The following AP1G2 variants were observed in gnomAD, a reference collection of about 807,000 sequenced individuals.
The protein encoded by AP1G2 is AP-1 complex subunit gamma-like 2.
In AP1G2, 85 loss-of-function variants were observed where a neutral mutation model predicts 95.8. The ratio of observed to expected loss-of-function variants is 0.89; its 90% CI spans 0.74 to 1.06. The LOEUF is 1.06. Ranked by LOEUF, AP1G2 falls within the 50% of genes least tolerant of loss-of-function variation. The pLI is 0.00. For synonymous variants in AP1G2, 378 were observed against 400.0 expected, an observed-to-expected ratio of 0.94 and a Z score of 0.66; for missense variants, 967 against 1,005.8, an observed-to-expected ratio of 0.96 and a Z score of 0.52.
Position 23,565,609 on chromosome 14 carries a change from C to T in AP1G2, c.738G>A (p.Leu246=), listed in dbSNP as rs142782750. The change falls in exon 7 of 22, where the codon CTG becomes CTA. Residue 246 remains leucine, a synonymous_variant. Transcript: ENST00000397120. ...CAGCAGTGAAAGGTCACCCCACCTG[C>T]AGGAAGGGGTCGCTGACTCCAGATA... The part of the protein sequence containing the change: ...HSISGVSDPF[L]QVQILRLLRI... The T allele has an allele frequency of 5.5e-4, 893 of 1,612,560 alleles. 1 individual carries two copies. In the African/African-American group the frequency reaches 6.7e-3, roughly 12 times the overall value.
rs1461598012 is a variant in AP1G2 at position 23,563,647 on chromosome 14, T to A, written c.1233-9A>T. On this transcript the variant is annotated splice_polypyrimidine_tract_variant and intron_variant, in intron 12 of 21. Coordinates refer to ENST00000397120, the MANE Select transcript of AP1G2 (RefSeq NM_003917.5). The stretch of plus-strand genomic sequence containing the variant: ...GTTTGGTTGGAGCAAACCTAGGGGA[T>A]ATATGGCTCATCAGTCCTGGTACTG... 7 of 1,614,086 alleles carry A rather than the reference T, an allele frequency of 4.3e-6. No homozygotes were observed. The highest frequency in any genetic ancestry group is 5.9e-6 in the Non-Finnish European group (7 of 1,180,052).
intron 4 of AP1G2, 33 bp from the exon 5 acceptor site, chr14:23,566,193 G>T (rs1887862194): frequency 6.3e-7 from 1 of 1,595,652 alleles, no homozygotes; most frequent in Admixed American, 1.7e-5. Context: ...ACAGGGGTCA[G>T]AGGAGATGGA....
chr14:23,563,148 A>T, intron 14 of AP1G2: 1 of 1,417,292 alleles, frequency 7.1e-7, no homozygotes, highest in Non-Finnish European at 9.2e-7. Flanking sequence ...CAGTCAGGGT[A>T]CATGGAGCAT....
intron 11 of AP1G2, 63 bp downstream of exon 11, chr14:23,563,983 G>A (rs1484676862): frequency 1.2e-6 from 2 of 1,609,388 alleles, no homozygotes; most frequent in East Asian, 2.2e-5. Flanking sequence ...ACTGGCTCGA[G>A]TCTTGGCCAC....
intron 20 of AP1G2, 67 bp downstream of exon 20, chr14:23,560,188 C>T: frequency 6.3e-7 from 1 of 1,576,152 alleles, no homozygotes; most frequent in South Asian, 1.1e-5. Context: ...TCCCACCCAC[C>T]TCCTCCACTT....
At chr14:23,561,023 G>T in intron 19 of AP1G2, 1 of 1,059,862 alleles carries the variant, frequency 9.4e-7, no homozygotes, top group Non-Finnish European at 1.2e-6. Context: ...AGGGTGTGAG[G>T]AGCTGAGAAG....
In AP1G2 at chr14:23,560,287, T is replaced by TGACATCACCCTC. The variant is rs755853233; in HGVS notation, c.2113_2124dup (p.Glu705_Val708dup). On this transcript the variant is annotated inframe_insertion, in exon 20 of 22. Coordinates refer to ENST00000397120, the MANE Select transcript of AP1G2 (RefSeq NM_003917.5). ...ACAGCAGCCTGGCAGATGAAATGGG[T>TGACATCACCCTC]GACATCACCCTCTGAGAAGTTGGTG... 1 of 1,613,756 alleles carries TGACATCACCCTC rather than the reference T, an allele frequency of 6.2e-7. No individual in the cohort carries two copies. Among genetic ancestry groups the TGACATCACCCTC allele is most frequent in the South Asian group, 1.1e-5 (1 of 91,056 alleles).
At chr14:23,562,107 A>T in intron 16 of AP1G2, 41 bp from the exon 17 acceptor site, 1 of 1,606,832 alleles carries the variant, frequency 6.2e-7, no homozygotes, top group African/African-American at 1.3e-5. Context: ...GCAGTGTGCC[A>T]CTGCAGGATG....
At chr14:23,565,037 C>G (rs1446990433) in intron 8 of AP1G2, 82 bp downstream of exon 8, 1 of 1,317,194 alleles carries the variant, frequency 7.6e-7, no homozygotes. Flanking sequence ...GGCCACTGCA[C>G]AGTGACGAGT....
rs1171684032 is a variant in AP1G2 at position 23,565,860 on chromosome 14, C to T, written c.601G>A (p.Glu201Lys). Residue 201 changes from glutamate (E) to lysine (K), a missense_variant, in exon 6 of 22, where the codon GAG becomes AAG. Transcript: ENST00000397120. ...GCTGCAGGGCTTCGTTCGCAGAGCTCCGTGATCAGCGTGATGGTGCCCAGC... is the reference window on the plus strand; with the variant it reads ...GCTGCAGGGCTTCGTTCGCAGAGCTTCGTGATCAGCGTGATGGTGCCCAGC... The part of the protein sequence containing the change: ...ILLGTITLIT[E>K]LCERSPAALR... The T allele has an allele frequency of 1.9e-6, 3 of 1,578,032 alleles. No individual in the cohort carries two copies. In the African/African-American group the frequency reaches 4.0e-5, roughly 21 times the overall value.
chr14:23,561,034 G>C (rs1374975533), intron 19 of AP1G2: 20 of 1,137,424 alleles, frequency 1.8e-5, no homozygotes, highest in Non-Finnish European at 2.2e-5. Context: ...AGCTGAGAAG[G>C]GGGCAGTGAG....
At chr14:23,562,757 A>T in intron 14 of AP1G2, 164 bp from the exon 15 acceptor site, 1 of 537,212 alleles carries the variant, frequency 1.9e-6, no homozygotes, top group South Asian at 2.4e-5. Flanking sequence ...AAAAAAAAAA[A>T]GAGAGAGAGA....
In AP1G2 at chr14:23,562,364, T is replaced by A; in HGVS notation, c.1552A>T (p.Met518Leu). The A allele has an allele frequency of 6.2e-7, 1 of 1,614,072 alleles. No individual in the cohort carries two copies. The highest frequency in any genetic ancestry group is 1.3e-5 in the African/African-American group (1 of 75,020). The change falls in exon 16 of 22, where the codon ATG becomes TTG. Residue 518 changes from methionine to leucine, a missense_variant. Coordinates refer to ENST00000397120, the MANE Select transcript of AP1G2 (RefSeq NM_003917.5). ...ALLEKVLQSH[M>L]SLPATRGYAL... is the part of the protein sequence containing the mutation. ...TATCCTCGAGTGGCTGGCAGGGACA[T>A]GTGGGACTGCAGCACCTTTTCCAGC...
At chr14:23,563,975 T>G (rs1595329221) in intron 11 of AP1G2, 71 bp downstream of exon 11, 20 of 1,607,526 alleles carry the variant, frequency 1.2e-5, no homozygotes, top group Non-Finnish European at 1.7e-5. Context: ...TGCTCTAAAC[T>G]GGCTCGAGTC....
At chr14:23,561,878 G>A in intron 17 of AP1G2, 84 bp downstream of exon 17, 3 of 1,517,030 alleles carry the variant, frequency 2.0e-6, no homozygotes, top group Non-Finnish European at 1.8e-6. Context: ...ACACAGGTGA[G>A]GATGAGGCCC....
At chr14:23,563,938 T>C in intron 11 of AP1G2, 82 bp from the exon 12 acceptor site, 1 of 1,599,826 alleles carries the variant, frequency 6.3e-7, no homozygotes, top group Non-Finnish European at 8.5e-7. Flanking sequence ...CCCAGGGACC[T>C]GTCCCCCTTA....
At chr14:23,561,121 A>G in intron 19 of AP1G2, 175 bp downstream of exon 19, 3 of 1,336,012 alleles carry the variant, frequency 2.2e-6, no homozygotes, top group Non-Finnish European at 2.9e-6. Flanking sequence ...AGTCTGGAAC[A>G]AAGGGAAGAC....
In AP1G2 at chr14:23,563,836, A is replaced by G. The variant is rs1886358438; in HGVS notation, c.1112T>C (p.Leu371Pro). ...CACATTGGAGCTATTTACCAGAGCC[A>G]GGCTTAGTTCCAGGGCTCTCCTGGC... The part of the protein sequence containing the change: ...SLSRRALELS[L>P]ALVNSSNVRA... The change falls in exon 12 of 22, where the codon CTG becomes CCG. Residue 371 changes from leucine to proline, a missense_variant. Coordinates refer to ENST00000397120, the MANE Select transcript of AP1G2 (RefSeq NM_003917.5). 4 of 1,614,062 alleles carry G rather than the reference A, an allele frequency of 2.5e-6. No homozygotes were observed. In the East Asian group the frequency reaches 8.9e-5, roughly 36 times the overall value.
intron 7 of AP1G2, chr14:23,565,403 T>A: frequency 2.8e-6 from 2 of 710,156 alleles, no homozygotes; most frequent in Non-Finnish European, 2.3e-6. Flanking sequence ...AAAAAAAAAA[T>A]TGTTAACAAA....
Sources: gnomAD v4.1 joint callset for allele counts on GRCh38, gnomAD v4.1.1 for gene constraint, MANE v1.5 for transcripts, NCBI Gene and HGNC (gene_info 2026-07-23, HGNC 2026-07-21) for gene names.